MRPS27: variants seen among roughly 807,000 people sequenced by gnomAD.
MRPS27 encodes small ribosomal subunit protein mS27.
A neutral mutation model predicts 48.9 loss-of-function variants in MRPS27; 43 were observed. The ratio of observed to expected loss-of-function variants is 0.88; its 90% CI spans 0.69 to 1.13. The LOEUF (loss-of-function observed/expected upper bound fraction) is 1.13, where lower values mean the gene tolerates loss of function less well. Among genes scored for constraint, MRPS27 ranks in the 50% most tolerant of loss-of-function variants. The probability of loss-of-function intolerance (pLI) is 0.00; values close to 1 mark genes in which losing one functional copy is unlikely to be tolerated. For missense variants in MRPS27, 467 were observed against 476.3 expected (o/e 0.98, Z 0.18); for synonymous variants, 188 against 171.9 (o/e 1.09, Z -0.73).
chr5:72,221,342 A>G (rs1747736976), intron 10 of MRPS27, among the ~76,000 whole-genome samples, 194 bp from the exon 11 acceptor site: 1 of 152,176 alleles, frequency 6.6e-6, no homozygotes, highest in South Asian at 2.1e-4. Flanking sequence ...GTAGAAAAAA[A>G]CCATTTTGTT....
intron 5 of MRPS27, among the ~76,000 whole-genome samples, 194 bp downstream of exon 5, chr5:72,237,820 T>C (rs1178765284): frequency 6.6e-6 from 1 of 152,080 alleles, no homozygotes. Context: ...TTTGGAAAAG[T>C]AGCAGCTACA....
chr5:72,248,892 G>C lies in MRPS27; in HGVS notation c.282-10764C>G, dbSNP rs142798863. Among the ~76,000 whole-genome samples, 565 of 152,284 alleles carry C rather than the reference G, an allele frequency of 3.7e-3. 1 individual carries two copies. Among genetic ancestry groups the C allele is most frequent in the African/African-American group, 0.013 (549 of 41,562 alleles). ...GATCATGGCTGCACTTTGTGGGAGAGAAGAGGATAACAAGCTATGAAAATA... is the reference window on the plus strand; with the variant it reads ...GATCATGGCTGCACTTTGTGGGAGACAAGAGGATAACAAGCTATGAAAATA... On this transcript the variant is annotated intron_variant, in intron 4 of 10. Transcript: ENST00000261413.
At chr5:72,313,421 G>A (rs542714786) in intron 2 of MRPS27, among the ~76,000 whole-genome samples, 115 of 152,202 alleles carry the variant, frequency 7.6e-4, no homozygotes, top group Non-Finnish European at 1.4e-3. Flanking sequence ...TTAATGTTCC[G>A]ATGATGTTAT....
At chr5:72,316,192 A>T (rs1030288760) in intron 1 of MRPS27, among the ~76,000 whole-genome samples, 1 of 152,248 alleles carries the variant, frequency 6.6e-6, no homozygotes, top group African/African-American at 2.4e-5. Flanking sequence ...AAGTAGATTC[A>T]TGGTTGCTAA....
In MRPS27 at chr5:72,228,322, A is replaced by G; in HGVS notation, c.638T>C (p.Leu213Pro). ...NFGASLLLPG[L>P]KQKNSVGFSS... is the part of the protein sequence containing the mutation. Reference sequence around the variant, plus strand: ...GAAACCCACTGAGTTCTTTTGTTTTAGGCCTGGAAGCAAAAGGGATGCACC... The same window carrying G: ...GAAACCCACTGAGTTCTTTTGTTTTGGGCCTGGAAGCAAAAGGGATGCACC... The change falls in exon 8 of 11, where the codon CTA becomes CCA. Residue 213 changes from leucine to proline, a missense_variant. Transcript: ENST00000261413. 6.2e-7 allele frequency: 1 copy of G among 1,613,662 alleles called. No individual in the cohort carries two copies. Among genetic ancestry groups the G allele is most frequent in the African/African-American group, 1.3e-5 (1 of 75,026 alleles).
chr5:72,303,321 C>CA (rs1750171362), intron 2 of MRPS27, among the ~76,000 whole-genome samples: 1 of 151,940 alleles, frequency 6.6e-6, no homozygotes, highest in Admixed American at 6.6e-5. Flanking sequence ...AAAAAGTAAA[C>CA]AATGAATAAG....
At chr5:72,258,083 C>CAAAAAA (rs1030737219) in intron 4 of MRPS27, among the ~76,000 whole-genome samples, 2 of 61,362 alleles carry the variant, frequency 3.3e-5, no homozygotes, top group Non-Finnish European at 6.8e-5. Flanking sequence ...GACTCTGTCT[C>CAAAAAA]AAAAAAAAAA....
At chr5:72,306,569 A>T (rs1047197568) in intron 2 of MRPS27, among the ~76,000 whole-genome samples, 7 of 152,228 alleles carry the variant, frequency 4.6e-5, no homozygotes, top group African/African-American at 1.7e-4. Flanking sequence ...ATTGCAAAAA[A>T]CTTACAAACT....
At chr5:72,285,237 TA>T (rs1278217104) in intron 4 of MRPS27, among the ~76,000 whole-genome samples, 1 of 152,212 alleles carries the variant, frequency 6.6e-6, no homozygotes, top group Non-Finnish European at 1.5e-5. Flanking sequence ...TTCCTCCTTC[TA>T]ACTCCAGCTG....
chr5:72,223,251 C>T (rs958183917), intron 10 of MRPS27, among the ~76,000 whole-genome samples: 27 of 152,166 alleles, frequency 1.8e-4, no homozygotes, highest in African/African-American at 6.5e-4. Context: ...AGAAAGATGC[C>T]CACGTCTTAT....
intron 4 of MRPS27, among the ~76,000 whole-genome samples, chr5:72,245,876 A>C (rs1199464144): frequency 2.0e-5 from 3 of 152,238 alleles, no homozygotes; most frequent in African/African-American, 7.2e-5. Flanking sequence ...TTATTAAAGA[A>C]GAAAAGCATC....
At chr5:72,240,501 T>C (rs73125473) in intron 4 of MRPS27, among the ~76,000 whole-genome samples, 1,967 of 152,288 alleles carry the variant, frequency 0.013, 53 homozygotes, top group African/African-American at 0.045. Flanking sequence ...TTAAACCTAA[T>C]ACTCATTTTA....
chr5:72,227,327 T>TA (rs896547114), intron 8 of MRPS27: 6 of 151,924 alleles, frequency 3.9e-5, no homozygotes, highest in African/African-American at 1.2e-4. Flanking sequence ...AGGTGGCAAA[T>TA]AAGGAAAAAA....
chr5:72,296,020 CATCTAAATTTA>C (rs1749970489), intron 3 of MRPS27, among the ~76,000 whole-genome samples: 1 of 152,066 alleles, frequency 6.6e-6, no homozygotes, highest in Admixed American at 6.5e-5. Context: ...AGAACATAAA[CATCTAAATTTA>C]GAGAACTCAG....
chr5:72,317,468 G>GTTT (rs1750594479), intron 1 of MRPS27, among the ~76,000 whole-genome samples: 2 of 151,978 alleles, frequency 1.3e-5, no homozygotes, highest in Admixed American at 6.5e-5. Context: ...GGAAGGCGGA[G>GTTT]GCCTTCCAGG....
Position 72,234,130 on chromosome 5 carries a change from T to C in MRPS27, c.464A>G (p.Glu155Gly). The C allele has an allele frequency of 6.6e-7, 1 of 1,522,992 alleles. No homozygotes were observed. The highest frequency in any genetic ancestry group is 8.8e-7 in the Non-Finnish European group (1 of 1,139,060). 94.3% of individuals were successfully genotyped at this position (1,522,992 alleles called of 1,614,324 possible). ...NLLMDSFIKK[E>G]NYKDALSVVF... ...GGTTAGTTTCTTACCTTTGTAATTTTCTTTCTTTATGAAAGAATCCATCAG... is the reference window on the plus strand; with the variant it reads ...GGTTAGTTTCTTACCTTTGTAATTTCCTTTCTTTATGAAAGAATCCATCAG... Residue 155 changes from glutamate (E) to glycine (G), a missense_variant, in exon 6 of 11, where the codon GAA becomes GGA. Physicochemically the swap from Glu to Gly is moderately conservative, Grantham distance 98 (BLOSUM62 -2). Transcript: ENST00000261413.
At chr5:72,231,757 C>A (rs1748070282) in intron 7 of MRPS27, among the ~76,000 whole-genome samples, 1 of 152,114 alleles carries the variant, frequency 6.6e-6, no homozygotes, top group Admixed American at 6.5e-5. Context: ...AGGTTAAGGG[C>A]AGATGGCAGA....
chr5:72,311,958 CCT>C (rs1433721433), intron 2 of MRPS27, among the ~76,000 whole-genome samples: 10 of 152,134 alleles, frequency 6.6e-5, no homozygotes, highest in Non-Finnish European at 1.3e-4. Context: ...TAGGCAAAAC[CCT>C]GTCTCTATTA....
intron 4 of MRPS27, among the ~76,000 whole-genome samples, chr5:72,290,187 A>T (rs867837991): frequency 3.3e-5 from 5 of 152,200 alleles, no homozygotes; most frequent in South Asian, 2.1e-4. Flanking sequence ...TACATTGGGC[A>T]TGTGGACTTG....
Sources: gnomAD v4.1 joint callset for allele counts (sites outside exome capture counted in the v4.1 genomes callset) on GRCh38, gnomAD v4.1.1 for gene constraint, MANE v1.5 for transcripts, NCBI Gene and HGNC (gene_info 2026-07-23, HGNC 2026-07-21) for gene names.